Variants in NKAIN3 observed in about 807,000 individuals in gnomAD.
NKAIN3 encodes sodium/potassium-transporting ATPase subunit beta-1-interacting protein 3.
In NKAIN3, 25 loss-of-function variants were observed where a neutral mutation model predicts 30.2. That is an observed-to-expected ratio of 0.83 (90% CI 0.60 to 1.16). The LOEUF is 1.16. Ranked by LOEUF, NKAIN3 falls within the 50% of genes most tolerant of loss-of-function variation. The pLI, the probability that NKAIN3 is intolerant of heterozygous loss-of-function variation, is 0.00. For synonymous variants in NKAIN3, 91 were observed against 89.6 expected (o/e 1.02, Z -0.09); for missense variants, 225 against 254.1 (o/e 0.89, Z 0.78).
At chr8:62,738,836 T>C (rs1333866682) in intron 3 of NKAIN3, among the ~76,000 whole-genome samples, 1 of 152,186 alleles carries the variant, frequency 6.6e-6, no homozygotes, top group African/African-American at 2.4e-5. Flanking sequence ...TTTAGTTTAA[T>C]TAGATCCCAT....
chr8:62,249,320 C>A (rs1467130326), intron 1 of NKAIN3, among the ~76,000 whole-genome samples, 193 bp downstream of exon 1: 1 of 152,216 alleles, frequency 6.6e-6, no homozygotes, highest in African/African-American at 2.4e-5. Context: ...CCAGGTCGCC[C>A]CTGCCCTGCA....
intron 3 of NKAIN3, among the ~76,000 whole-genome samples, chr8:62,626,447 G>A (rs1811790047): frequency 1.3e-5 from 2 of 152,082 alleles, no homozygotes; most frequent in Admixed American, 6.6e-5. Flanking sequence ...AGCATCAGAG[G>A]CATGAGGTCA....
chr8:62,700,364 T>C (rs547058579), intron 3 of NKAIN3, among the ~76,000 whole-genome samples: 8 of 152,340 alleles, frequency 5.3e-5, no homozygotes, highest in Non-Finnish European at 8.8e-5. Flanking sequence ...GCTTAAACAC[T>C]GGTGCTTTCG....
At chr8:62,915,932 GC>G (rs1199986599) in intron 4 of NKAIN3, among the ~76,000 whole-genome samples, 1 of 152,040 alleles carries the variant, frequency 6.6e-6, no homozygotes. Flanking sequence ...AACATAAATG[GC>G]TAATAAAATA....
rs186863507 is a variant in NKAIN3, at chr8:62,260,323, C to T, written c.54+11196C>T. 3.1e-3 allele frequency among the ~76,000 whole-genome samples: 474 copies of T among 152,056 alleles called. 4 individuals carry two copies. Among genetic ancestry groups the T allele is most frequent in the African/African-American group, 0.011 (464 of 41,472 alleles). ...CTACACTCAAGTTATATTTCCTGTG[C>T]TGGTAACTAGCTGTAAATGATCATA... On this transcript the variant is annotated intron_variant, in intron 1 of 6. Coordinates refer to ENST00000623646, the MANE Select transcript of NKAIN3 (RefSeq NM_001304533.3).
At chr8:62,557,396 A>G (rs193203998) in intron 1 of NKAIN3, among the ~76,000 whole-genome samples, 6 of 152,122 alleles carry the variant, frequency 3.9e-5, no homozygotes, top group African/African-American at 1.4e-4. Context: ...CATATGATGA[A>G]TTATTTTCCT....
intron 4 of NKAIN3, among the ~76,000 whole-genome samples, chr8:62,768,416 A>C (rs115845910): frequency 0.017 from 2,540 of 152,246 alleles, 69 homozygotes; most frequent in African/African-American, 0.059. Context: ...TCTGTGCTTA[A>C]TGATAAATTA....
chr8:62,971,252 C>T lies in NKAIN3; in HGVS notation c.*5845C>T, dbSNP rs1343757585. On this transcript the variant is annotated 3_prime_UTR_variant, in exon 7 of 7. Coordinates refer to ENST00000623646, the MANE Select transcript of NKAIN3 (RefSeq NM_001304533.3). ...ACACACACTACTTCTGTTTACATCT[C>T]ATTAGCCAAAACTTGGTCCACCCCC... 1.3e-5 allele frequency among the ~76,000 whole-genome samples: 2 copies of T among 152,168 alleles called. No individual in the cohort carries two copies. The highest frequency in any genetic ancestry group is 1.9e-4 in the East Asian group (1 of 5,194).
intron 1 of NKAIN3, among the ~76,000 whole-genome samples, chr8:62,555,114 A>T (rs1469207701): frequency 6.6e-6 from 1 of 151,172 alleles, no homozygotes; most frequent in Admixed American, 6.6e-5. Flanking sequence ...TAATTATTTC[A>T]CTGTGAATAT....
At chr8:62,942,162 T>G (rs966850162) in intron 5 of NKAIN3, among the ~76,000 whole-genome samples, 1 of 147,590 alleles carries the variant, frequency 6.8e-6, no homozygotes, top group African/African-American at 2.5e-5. Flanking sequence ...CCTTTTACAA[T>G]AGCTGCAATA....
chr8:62,286,939 T>C (rs899110571), intron 1 of NKAIN3, among the ~76,000 whole-genome samples: 2 of 151,784 alleles, frequency 1.3e-5, no homozygotes, highest in African/African-American at 4.8e-5. Flanking sequence ...TTCTACACTC[T>C]TTGCAGACCT....
At chr8:62,508,251 G>A (rs1019117193) in intron 1 of NKAIN3, among the ~76,000 whole-genome samples, 20 of 152,244 alleles carry the variant, frequency 1.3e-4, no homozygotes, top group Admixed American at 9.8e-4. Flanking sequence ...TGATGACCCC[G>A]AATCATTCCA....
At chr8:62,416,347 TC>T (rs1804443644) in intron 1 of NKAIN3, among the ~76,000 whole-genome samples, 1 of 152,218 alleles carries the variant, frequency 6.6e-6, no homozygotes, top group Admixed American at 6.5e-5. Context: ...ATTATTTTCT[TC>T]CCTTGCCTTG....
chr8:62,652,111 G>A (rs75635133), intron 3 of NKAIN3, among the ~76,000 whole-genome samples: 4 of 151,956 alleles, frequency 2.6e-5, no homozygotes, highest in African/African-American at 9.7e-5. Flanking sequence ...AACCCATAGG[G>A]GGTCCATCTC....
intron 1 of NKAIN3, among the ~76,000 whole-genome samples, chr8:62,309,444 G>T (rs1039507741): frequency 7.3e-5 from 11 of 150,662 alleles, no homozygotes; most frequent in Non-Finnish European, 2.9e-5. Flanking sequence ...TACAGATCTA[G>T]CTAAATTGTA....
chr8:62,429,199 G>A (rs1585798682), intron 1 of NKAIN3, among the ~76,000 whole-genome samples: 1 of 151,936 alleles, frequency 6.6e-6, no homozygotes, highest in East Asian at 1.9e-4. Context: ...TAGTGAAAGT[G>A]GGCATACTTG....
At chr8:62,516,511 C>G (rs765978713) in intron 1 of NKAIN3, among the ~76,000 whole-genome samples, 6 of 152,028 alleles carry the variant, frequency 3.9e-5, no homozygotes, top group Non-Finnish European at 8.8e-5. Context: ...TTACTTGTGT[C>G]ACTTTCAAGT....
At chr8:62,633,411 T>A (rs1169586657) in intron 3 of NKAIN3, among the ~76,000 whole-genome samples, 1 of 152,170 alleles carries the variant, frequency 6.6e-6, no homozygotes, top group South Asian at 2.1e-4. Flanking sequence ...ACATTTATGG[T>A]TCTGACTTAC....
rs180994775 is a variant in NKAIN3 at position 62,861,201 on chromosome 8, T to C, written c.472-57252T>C. 2.5e-3 allele frequency among the ~76,000 whole-genome samples: 379 copies of C among 152,316 alleles called. 3 individuals carry two copies. The highest frequency in any genetic ancestry group is 6.8e-3 in the Middle Eastern group (2 of 294). ...TATCTGGGGATCCTCAAAGTTCCAC[T>C]TTAGTTCAATAAGGATACTGGCCAT... On this transcript the variant is annotated intron_variant, in intron 4 of 6. Transcript: ENST00000623646.
Sources: gnomAD v4.1 joint callset for allele counts (sites outside exome capture counted in the v4.1 genomes callset) on GRCh38, gnomAD v4.1.1 for gene constraint, MANE v1.5 for transcripts, NCBI Gene and HGNC (gene_info 2026-07-23, HGNC 2026-07-21) for gene names.